Variants in BCAS3 observed in about 807,000 individuals in gnomAD.
The protein encoded by BCAS3 is BCAS3 microtubule associated cell migration factor, also known as BCAS4/BCAS3 fusion.
BCAS3 carries 53 observed loss-of-function variants against 116.1 expected under a neutral mutation model. The observed-to-expected ratio is 0.46, with a 90% confidence interval of 0.37 to 0.57. The LOEUF is 0.57. Ranked by LOEUF, BCAS3 falls within the 20% of genes least tolerant of loss-of-function variation. The pLI, the probability that BCAS3 is intolerant of heterozygous loss-of-function variation, is 0.00. For missense variants in BCAS3, 917 were observed against 1,165.4 expected (o/e 0.79, Z 3.10); for synonymous variants, 391 against 408.2 (o/e 0.96, Z 0.51).
At position 61,106,963 on chromosome 17, in the gene BCAS3, A is replaced by G. The variant is rs2074696194; in HGVS notation, c.2425+22399A>G. ...TATATTTTTAAGTCACTTTATGTTT[A>G]CATATTGCCAGGTTGCCCTAAGTAA... On this transcript the variant is annotated intron_variant, in intron 22 of 23. Coordinates refer to ENST00000407086, the MANE Select transcript of BCAS3 (RefSeq NM_017679.5). The surrounding 1 kb of genome is among the most constrained non-coding windows in gnomAD (Gnocchi z 4.2). Among the ~76,000 whole-genome samples, 1 of 152,060 alleles carries G rather than the reference A, an allele frequency of 6.6e-6. No homozygotes were observed. The highest frequency in any genetic ancestry group is 2.4e-5 in the African/African-American group (1 of 41,408).
chr17:61,205,170 G>GA lies in BCAS3; in HGVS notation c.2425+120615dup, dbSNP rs796949199. 5.4e-4 allele frequency among the ~76,000 whole-genome samples: 82 copies of GA among 150,664 alleles called. No individual in the cohort carries two copies. Among genetic ancestry groups the GA allele is most frequent in the Middle Eastern group, 3.4e-3 (1 of 294 alleles). On this transcript the variant is annotated intron_variant, in intron 22 of 23. Coordinates refer to ENST00000407086, the MANE Select transcript of BCAS3 (RefSeq NM_017679.5). The surrounding 1 kb of genome is among the most constrained non-coding windows in gnomAD (Gnocchi z 5.2). ...TATGAAAAAAAGGTTGAAACTGAAA[G>GA]AAAAAAAAAGGCATTATTTATTTTC...
chr17:60,922,367 C>T (rs1431620454), intron 12 of BCAS3, among the ~76,000 whole-genome samples: 3 of 152,134 alleles, frequency 2.0e-5, no homozygotes, highest in African/African-American at 4.8e-5. Flanking sequence ...CCTCGTGATC[C>T]CCCTGCCTCG....
Position 61,128,496 on chromosome 17 carries a change from ACAAG to A in BCAS3, c.2425+43936_2425+43939del. ...TCTGTGTTTTCAAAGACAGAGGTTA[ACAAG>A]CAATGGACAAACCTTCCGTTCTTCT... On this transcript the variant is annotated intron_variant, in intron 22 of 23. Coordinates refer to ENST00000407086, the MANE Select transcript of BCAS3 (RefSeq NM_017679.5). This position sits in a 1 kb window ranked among gnomAD's most constrained non-coding sequence, Gnocchi z 4.1. The A allele has an allele frequency of 2.0e-6, 2 of 985,394 alleles. No homozygotes were observed. The highest frequency in any genetic ancestry group is 2.4e-6 in the Non-Finnish European group (2 of 829,904). 61.0% of individuals were successfully genotyped at this position (985,394 alleles called of 1,614,324 possible).
intron 14 of BCAS3, among the ~76,000 whole-genome samples, chr17:60,973,546 G>A (rs1432810756): frequency 2.7e-5 from 4 of 149,856 alleles, no homozygotes. Context: ...AGTGCTCTCT[G>A]CCCTGCTGCT....
chr17:60,719,219 G>A (rs561263434), intron 5 of BCAS3, among the ~76,000 whole-genome samples: 13 of 152,340 alleles, frequency 8.5e-5, no homozygotes, highest in African/African-American at 1.9e-4. Flanking sequence ...GTGAACCATA[G>A]ACTGTTGCTG....
chr17:60,887,435 G>A (rs1255125969), intron 9 of BCAS3: 1 of 154,164 alleles, frequency 6.5e-6, no homozygotes, highest in Non-Finnish European at 1.4e-5. Context: ...GCTGGGAGCT[G>A]TAGACTGGAG....
Position 61,339,177 on chromosome 17 carries a change from C to T in BCAS3, c.2426-29150C>T, listed in dbSNP as rs1356570996. On this transcript the variant is annotated intron_variant, in intron 22 of 23. Coordinates refer to ENST00000407086, the MANE Select transcript of BCAS3 (RefSeq NM_017679.5). The surrounding 1 kb of genome is among the most constrained non-coding windows in gnomAD (Gnocchi z 4.4). The stretch of plus-strand genomic sequence containing the variant: ...AACTGACGATTGGCAGTCATCTTCC[C>T]AGCTCTCGGCTTCAACCCTGATTCT... 6.6e-6 allele frequency among the ~76,000 whole-genome samples: 1 copy of T among 152,182 alleles called. No homozygotes were observed. Among genetic ancestry groups the T allele is most frequent in the Non-Finnish European group, 1.5e-5 (1 of 68,038 alleles).
At chr17:60,818,075 G>A (rs1332956129) in intron 7 of BCAS3, among the ~76,000 whole-genome samples, 1 of 151,984 alleles carries the variant, frequency 6.6e-6, no homozygotes, top group South Asian at 2.1e-4. Flanking sequence ...GGCTGGTCTT[G>A]AACTCCTGGG....
chr17:61,312,166 C>A (rs138019361), intron 22 of BCAS3, among the ~76,000 whole-genome samples: 2 of 152,104 alleles, frequency 1.3e-5, no homozygotes. Flanking sequence ...TCATTCACCC[C>A]CTAGGTGACA....
At chr17:60,770,236 G>T (rs955718221) in intron 6 of BCAS3, among the ~76,000 whole-genome samples, 1 of 151,886 alleles carries the variant, frequency 6.6e-6, no homozygotes, top group African/African-American at 2.4e-5. Flanking sequence ...GTGTAATTAG[G>T]ATCATGAAAC....
chr17:60,968,576 T>TC (rs2061782656), intron 14 of BCAS3, among the ~76,000 whole-genome samples: 1 of 152,062 alleles, frequency 6.6e-6, no homozygotes, highest in South Asian at 2.1e-4. Flanking sequence ...CTTTTTTTTT[T>TC]GGATATAGGT....
At chr17:60,840,545 AG>A (rs2051809273) in intron 7 of BCAS3, among the ~76,000 whole-genome samples, 1 of 152,166 alleles carries the variant, frequency 6.6e-6, no homozygotes, top group African/African-American at 2.4e-5. Flanking sequence ...CATAGCTAAA[AG>A]TCTTATTTAA....
chr17:61,121,434 T>C (rs2075783724), intron 22 of BCAS3, among the ~76,000 whole-genome samples: 1 of 152,218 alleles, frequency 6.6e-6, no homozygotes, highest in African/African-American at 2.4e-5. Context: ...AGGTGTCCTC[T>C]TTTCCCCCTT....
At chr17:60,688,230 G>A (rs1410585610) in intron 3 of BCAS3, 1 of 152,184 alleles carries the variant, frequency 6.6e-6, no homozygotes, top group African/African-American at 2.4e-5. Flanking sequence ...GGGTTTAATA[G>A]TAATGCACCA....
At chr17:60,723,999 C>T (rs1258424011) in intron 5 of BCAS3, among the ~76,000 whole-genome samples, 9 of 151,344 alleles carry the variant, frequency 5.9e-5, no homozygotes, top group Non-Finnish European at 2.9e-5. Flanking sequence ...AGATTACAGG[C>T]GTGAGCCACC....
intron 22 of BCAS3, among the ~76,000 whole-genome samples, chr17:61,182,390 A>G (rs1415282756): frequency 2.6e-5 from 4 of 152,150 alleles, no homozygotes; most frequent in African/African-American, 9.7e-5. Flanking sequence ...GAGAAAGAAT[A>G]GCTTAAAAAA....
At chr17:60,693,541 A>G (rs1451603057) in intron 4 of BCAS3, among the ~76,000 whole-genome samples, 3 of 151,226 alleles carry the variant, frequency 2.0e-5, no homozygotes, top group African/African-American at 7.3e-5. Flanking sequence ...CAGCCTCCTT[A>G]GTAGCTTGGA....
At chr17:61,005,478 G>T (rs959829418) in intron 15 of BCAS3, among the ~76,000 whole-genome samples, 1 of 152,030 alleles carries the variant, frequency 6.6e-6, no homozygotes. Flanking sequence ...CAAAAATGCT[G>T]ATTTGGCCCT....
At chr17:61,210,089 G>A (rs1190517651) in intron 22 of BCAS3, among the ~76,000 whole-genome samples, 1 of 152,220 alleles carries the variant, frequency 6.6e-6, no homozygotes. Context: ...AATTAGACAC[G>A]AAGTTCACCA....
Sources: gnomAD v4.1 joint callset for allele counts (sites outside exome capture counted in the v4.1 genomes callset) on GRCh38, gnomAD v4.1.1 for gene constraint, Gnocchi (gnomAD v3.1) non-coding constraint, MANE v1.5 for transcripts, NCBI Gene and HGNC (gene_info 2026-07-23, HGNC 2026-07-21) for gene names.